MECOM: variants seen among roughly 807,000 people sequenced by gnomAD.
The protein encoded by MECOM is histone-lysine N-methyltransferase MECOM.
MECOM carries 13 observed loss-of-function variants against 116.3 expected under a neutral mutation model. The observed-to-expected ratio is 0.11, with a 90% CI of 0.07 to 0.18. The LOEUF (loss-of-function observed/expected upper bound fraction) is 0.18, where lower values mean the gene tolerates loss of function less well. MECOM is among the 10% of genes least tolerant of loss of function. MECOM has a pLI of 1.00. For synonymous variants in MECOM, 528 were observed against 535.2 expected, an observed-to-expected ratio of 0.99 and a Z score of 0.19; for missense variants, 1,299 against 1,509.0, an observed-to-expected ratio of 0.86 and a Z score of 2.31.
chr3:169,600,726 C>G (rs1436465659), intron 1 of MECOM, among the ~76,000 whole-genome samples: 1 of 152,156 alleles, frequency 6.6e-6, no homozygotes, highest in Non-Finnish European at 1.5e-5. Flanking sequence ...AAAATGTTCT[C>G]TTTTTGCTCT....
At chr3:169,147,728 G>GTA (rs1380279945) in intron 2 of MECOM, 1 of 980,724 alleles carries the variant, frequency 1.0e-6, no homozygotes, top group African/African-American at 1.8e-5. Context: ...GTGTGTGTGT[G>GTA]TGTGTGCGCG....
At chr3:169,153,931 G>A (rs375817523) in intron 2 of MECOM, among the ~76,000 whole-genome samples, 1 of 152,206 alleles carries the variant, frequency 6.6e-6, no homozygotes, top group East Asian at 1.9e-4. Flanking sequence ...CAATGAGGAA[G>A]ATAGTCTGGC....
intron 2 of MECOM, among the ~76,000 whole-genome samples, chr3:169,320,889 T>C (rs1048522748): frequency 6.6e-6 from 1 of 152,182 alleles, no homozygotes; most frequent in Admixed American, 6.5e-5. Context: ...TTTGTGAGCA[T>C]ATATTACTTT....
At chr3:169,635,915 C>T (rs910440021) in intron 1 of MECOM, among the ~76,000 whole-genome samples, 1 of 152,154 alleles carries the variant, frequency 6.6e-6, no homozygotes, top group Admixed American at 6.5e-5. Context: ...CATAATTATG[C>T]AATTAATTTT....
chr3:169,303,216 C>A (rs1717081426), intron 2 of MECOM, among the ~76,000 whole-genome samples: 1 of 152,144 alleles, frequency 6.6e-6, no homozygotes, highest in African/African-American at 2.4e-5. Context: ...AAAAGTCTAA[C>A]TTCCCCCTTC....
At chr3:169,227,107 T>C (rs906747439) in intron 2 of MECOM, among the ~76,000 whole-genome samples, 2 of 152,158 alleles carry the variant, frequency 1.3e-5, no homozygotes, top group African/African-American at 4.8e-5. Flanking sequence ...TATAAAATAG[T>C]CATGGTGATG....
chr3:169,325,159 C>A (rs936661755), intron 2 of MECOM, among the ~76,000 whole-genome samples: 1 of 152,134 alleles, frequency 6.6e-6, no homozygotes, highest in Non-Finnish European at 1.5e-5. Flanking sequence ...GTGGACACTG[C>A]GGAGCACACC....
chr3:169,267,927 A>T (rs1350753603), intron 2 of MECOM, among the ~76,000 whole-genome samples: 1 of 152,186 alleles, frequency 6.6e-6, no homozygotes, highest in Non-Finnish European at 1.5e-5. Flanking sequence ...ACATTAAGAC[A>T]TATAAGCCAT....
At chr3:169,563,215 T>G (rs564393594) in intron 1 of MECOM, among the ~76,000 whole-genome samples, 1 of 152,196 alleles carries the variant, frequency 6.6e-6, no homozygotes, top group East Asian at 1.9e-4. Flanking sequence ...CTATGGTAAT[T>G]GGCATGCAAA....
At chr3:169,411,974 G>A (rs1309473116) in intron 1 of MECOM, among the ~76,000 whole-genome samples, 4 of 151,906 alleles carry the variant, frequency 2.6e-5, no homozygotes, top group African/African-American at 7.3e-5. Flanking sequence ...CTGTGCGAAA[G>A]AGCAAGACTT....
chr3:169,215,122 C>T (rs193123130), intron 2 of MECOM, among the ~76,000 whole-genome samples: 1 of 150,850 alleles, frequency 6.6e-6, no homozygotes, highest in African/African-American at 2.4e-5. Flanking sequence ...CTATTCCTTG[C>T]ACAATATTCC....
chr3:169,192,549 C>T (rs1457799398), intron 2 of MECOM, among the ~76,000 whole-genome samples: 1 of 151,984 alleles, frequency 6.6e-6, no homozygotes, highest in East Asian at 1.9e-4. Context: ...GGACATTATG[C>T]ATGGACACTT....
chr3:169,381,129 A>G, intron 2 of MECOM, 58 bp downstream of exon 2: 1 of 1,455,316 alleles, frequency 6.9e-7, no homozygotes. Flanking sequence ...ATGCTTAAAC[A>G]ATCTCTTCTT....
chr3:169,559,046 G>GCAAA (rs1762358046), intron 1 of MECOM, among the ~76,000 whole-genome samples: 1 of 148,394 alleles, frequency 6.7e-6, no homozygotes, highest in South Asian at 2.1e-4. Flanking sequence ...ACACACACGC[G>GCAAA]CACACACACA....
intron 2 of MECOM, among the ~76,000 whole-genome samples, chr3:169,343,247 A>C (rs965822740): frequency 3.3e-5 from 5 of 152,182 alleles, no homozygotes; most frequent in Admixed American, 6.6e-5. Context: ...TCTCTTGAGA[A>C]GACACTAACT....
chr3:169,192,976 C>G (rs1011763243), intron 2 of MECOM, among the ~76,000 whole-genome samples: 12 of 151,922 alleles, frequency 7.9e-5, no homozygotes, highest in African/African-American at 2.7e-4. Context: ...TATCCTATTC[C>G]ATTCAGACAT....
chr3:169,095,845 T>TA (rs1460986491), intron 12 of MECOM, among the ~76,000 whole-genome samples: 3 of 151,250 alleles, frequency 2.0e-5, no homozygotes, highest in South Asian at 2.1e-4. Flanking sequence ...TAAACTGTTA[T>TA]AAAAAAAATA....
At position 169,193,898 on chromosome 3, in the gene MECOM, T is replaced by C. The variant is rs561856022; in HGVS notation, c.376-50066A>G. ...TACTAATTGAAATTAACCTAATCCA[T>C]TGGCAATTCTTTTATTAAATAATGT... On this transcript the variant is annotated intron_variant, in intron 2 of 16. Transcript: ENST00000651503. Among the ~76,000 whole-genome samples, 7 of 152,146 alleles carry C rather than the reference T, an allele frequency of 4.6e-5. 1 individual carries two copies. The highest frequency in any genetic ancestry group is 1.7e-4 in the African/African-American group (7 of 41,550).
chr3:169,283,879 T>C (rs1035264243), intron 2 of MECOM, among the ~76,000 whole-genome samples: 2 of 152,220 alleles, frequency 1.3e-5, no homozygotes, highest in African/African-American at 4.8e-5. Context: ...CTAATATTTG[T>C]GTCATGTTAT....
Sources: gnomAD v4.1 joint callset for allele counts (sites outside exome capture counted in the v4.1 genomes callset) on GRCh38, gnomAD v4.1.1 for gene constraint, MANE v1.5 for transcripts, NCBI Gene and HGNC (gene_info 2026-07-23, HGNC 2026-07-21) for gene names.